Variants in FBXL17 observed in about 807,000 individuals in gnomAD.
The protein encoded by FBXL17 is F-box and leucine rich repeat protein 17.
FBXL17 carries 22 observed loss-of-function variants against 66.2 expected under a neutral mutation model. That is an observed-to-expected ratio of 0.33 (90% CI 0.24 to 0.47). The LOEUF is 0.47. Ranked by LOEUF, FBXL17 falls within the 20% of genes least tolerant of loss-of-function variation. The pLI, the probability that FBXL17 is intolerant of heterozygous loss-of-function variation, is 1.00. For synonymous variants in FBXL17, 474 were observed against 400.5 expected (o/e 1.18, Z -2.19); for missense variants, 878 against 948.2 (o/e 0.93, Z 0.97).
chr5:108,164,325 C>T (rs1752330202), intron 6 of FBXL17, among the ~76,000 whole-genome samples: 2 of 152,142 alleles, frequency 1.3e-5, no homozygotes, highest in African/African-American at 4.8e-5. Context: ...GTAGAACAAA[C>T]TTCATTATTG....
intron 6 of FBXL17, among the ~76,000 whole-genome samples, chr5:108,106,095 A>T (rs1310485487): frequency 6.6e-6 from 1 of 152,160 alleles, no homozygotes; most frequent in Non-Finnish European, 1.5e-5. Context: ...ACTGGGACTC[A>T]CACCAATTCT....
chr5:107,937,891 C>T (rs1014295430), intron 7 of FBXL17, among the ~76,000 whole-genome samples: 12 of 152,212 alleles, frequency 7.9e-5, no homozygotes, highest in Non-Finnish European at 1.3e-4. Context: ...ACCTTTGAGT[C>T]GGCAGACAGG....
intron 4 of FBXL17, among the ~76,000 whole-genome samples, chr5:108,307,948 T>G (rs1758927864): frequency 6.6e-6 from 1 of 152,164 alleles, no homozygotes; most frequent in Admixed American, 6.6e-5. Flanking sequence ...ACAACTTCAT[T>G]TAAGTAGTGT....
chr5:108,182,439 T>G (rs1296675679), intron 6 of FBXL17, among the ~76,000 whole-genome samples: 2 of 152,122 alleles, frequency 1.3e-5, no homozygotes, highest in African/African-American at 4.8e-5. Flanking sequence ...GATGAGTAAT[T>G]TAGATGATAC....
At chr5:108,255,628 G>A (rs114023069) in intron 4 of FBXL17, among the ~76,000 whole-genome samples, 2,337 of 152,166 alleles carry the variant, frequency 0.015, 69 homozygotes, top group African/African-American at 0.052. Context: ...AAACTGACCA[G>A]ATCCATGACA....
intron 6 of FBXL17, among the ~76,000 whole-genome samples, chr5:108,082,782 T>G (rs1025998238): frequency 8.5e-5 from 13 of 152,214 alleles, no homozygotes; most frequent in African/African-American, 3.1e-4. Context: ...TATTTCCTCA[T>G]CTTTGAACAG....
At chr5:108,245,817 A>G (rs1000026682) in intron 4 of FBXL17, among the ~76,000 whole-genome samples, 1 of 152,234 alleles carries the variant, frequency 6.6e-6, no homozygotes, top group Non-Finnish European at 1.5e-5. Context: ...CACATTGTAC[A>G]ACATCAAGAC....
intron 7 of FBXL17, among the ~76,000 whole-genome samples, chr5:107,884,851 A>G (rs147795269): frequency 0.012 from 1,849 of 152,336 alleles, 22 homozygotes; most frequent in Middle Eastern, 0.02. Flanking sequence ...TTTGCACTAC[A>G]TAAATGTCAT....
At chr5:108,005,884 T>C (rs988762311) in intron 7 of FBXL17, among the ~76,000 whole-genome samples, 1 of 152,216 alleles carries the variant, frequency 6.6e-6, no homozygotes, top group East Asian at 1.9e-4. Flanking sequence ...CTATGTTATG[T>C]GGATCTTACC....
intron 7 of FBXL17, among the ~76,000 whole-genome samples, chr5:107,970,022 C>T (rs1392225807): frequency 1.3e-5 from 2 of 152,128 alleles, no homozygotes; most frequent in Non-Finnish European, 2.9e-5. Context: ...TATCTTAAGG[C>T]TTTCAAAAGA....
At chr5:108,131,542 T>A (rs40072) in intron 6 of FBXL17, among the ~76,000 whole-genome samples, 120,262 of 152,020 alleles carry the variant, frequency 0.79, 48,209 homozygotes, top group East Asian at 0.92. Context: ...CCATTGGGGC[T>A]TAAAAAACAG....
intron 7 of FBXL17, among the ~76,000 whole-genome samples, chr5:107,978,827 C>T (rs950488156): frequency 2.0e-5 from 3 of 152,142 alleles, no homozygotes; most frequent in South Asian, 2.1e-4. Flanking sequence ...GCTAGCCTCA[C>T]GTTAATTAAA....
chr5:108,153,137 T>C lies in FBXL17; in HGVS notation c.1745+32980A>G, dbSNP rs577783619. ...CATGATTGTGAGGCCTCCCCAGCCA[T>C]GTGGAACTGTGAGTCAGTTAAGCCT... On this transcript the variant is annotated intron_variant, in intron 6 of 8. Coordinates refer to ENST00000542267, the MANE Select transcript of FBXL17 (RefSeq NM_001163315.3). 5.6e-4 allele frequency among the ~76,000 whole-genome samples: 85 copies of C among 152,298 alleles called. 1 individual carries two copies. Among genetic ancestry groups the C allele is most frequent in the Non-Finnish European group, 8.2e-4 (56 of 68,018 alleles).
chr5:108,141,624 A>ACT (rs1751353655), intron 6 of FBXL17, among the ~76,000 whole-genome samples: 1 of 152,230 alleles, frequency 6.6e-6, no homozygotes, highest in Non-Finnish European at 1.5e-5. Flanking sequence ...TGGGCAGGTT[A>ACT]CTTGCCTAAT....
At chr5:108,115,317 G>A (rs1012825785) in intron 6 of FBXL17, among the ~76,000 whole-genome samples, 6 of 151,894 alleles carry the variant, frequency 4.0e-5, no homozygotes, top group Non-Finnish European at 7.4e-5. Context: ...TAAAATATGA[G>A]AATTGAGTAT....
At chr5:107,880,438 T>G in intron 8 of FBXL17, 1 of 990,266 alleles carries the variant, frequency 1.0e-6, no homozygotes, top group Non-Finnish European at 1.2e-6. Context: ...CCTAAACTCA[T>G]GCTCACATCC....
intron 7 of FBXL17, among the ~76,000 whole-genome samples, chr5:107,926,896 G>T (rs546630995): frequency 1.3e-5 from 2 of 152,040 alleles, no homozygotes; most frequent in East Asian, 1.9e-4. Context: ...GTTTTTACTG[G>T]ACTATTTACT....
chr5:108,351,266 A>T (rs1205344007), intron 3 of FBXL17, among the ~76,000 whole-genome samples: 1 of 152,210 alleles, frequency 6.6e-6, no homozygotes, highest in Non-Finnish European at 1.5e-5. Flanking sequence ...GGATGAGAGG[A>T]TAAGACACAG....
chr5:108,060,159 A>G (rs897430136), intron 6 of FBXL17, among the ~76,000 whole-genome samples: 2 of 148,754 alleles, frequency 1.3e-5, no homozygotes, highest in Non-Finnish European at 3.0e-5. Flanking sequence ...AAATATCTCT[A>G]TTCCACATAT....
Sources: allele counts gnomAD v4.1 joint callset (sites outside exome capture counted in the v4.1 genomes callset), GRCh38; gene constraint gnomAD v4.1.1; transcripts MANE v1.5; gene names NCBI Gene and HGNC (gene_info 2026-07-23, HGNC 2026-07-21).